Variants in TPO observed in about 807,000 individuals in gnomAD.
The protein encoded by TPO is thyroid peroxidase.
TPO carries 78 observed loss-of-function variants against 96.9 expected under a neutral mutation model. The ratio of observed to expected loss-of-function variants is 0.81; its 90% CI spans 0.67 to 0.97. TPO has a LOEUF of 0.97. Ranked by LOEUF, TPO falls within the 50% of genes least tolerant of loss-of-function variation. The pLI is 0.00. For synonymous variants in TPO, 547 were observed against 538.0 expected (o/e 1.02, Z -0.23); for missense variants, 1,252 against 1,274.8 (o/e 0.98, Z 0.27).
rs572541906 is a variant in TPO, at chr2:1,435,813, A to G, written c.350-439A>G. Among the ~76,000 whole-genome samples the G allele has an allele frequency of 4.3e-4, 66 of 152,326 alleles. 1 individual carries two copies. The highest frequency in any genetic ancestry group is 3.9e-3 in the South Asian group (19 of 4,824). ...TCTTCATCAAGGCAAGATTTTTTCT[A>G]CATTAGGGTTCGGGATAAATTCTAC... On this transcript the variant is annotated intron_variant, in intron 4 of 16. Coordinates refer to ENST00000329066, the MANE Select transcript of TPO (RefSeq NM_001206744.2).
chr2:1,414,221 C>T (rs1232407130), intron 1 of TPO, among the ~76,000 whole-genome samples, 187 bp from the exon 2 acceptor site: 1 of 152,158 alleles, frequency 6.6e-6, no homozygotes, highest in African/African-American at 2.4e-5. Context: ...GCTGCAGTTT[C>T]TGTAACCTCC....
chr2:1,537,875 GTGTGCAACCTCCTCAAATCCCCACCACTC>G (rs1186736457), intron 15 of TPO, among the ~76,000 whole-genome samples: 41 of 51,032 alleles, frequency 8.0e-4, no homozygotes, highest in East Asian at 1.4e-3. Context: ...CCCCCCCACT[GTGTGCAACCTCCTCAAATCCCCACCACTC>G]TGTGCAACCT....
At position 1,493,853 on chromosome 2, in the gene TPO, C is replaced by T; in HGVS notation, c.1820C>T (p.Ala607Val). Reference protein sequence around the residue: ...FCGLPRLETPADLSTAIASRS... With the variant: ...FCGLPRLETPVDLSTAIASRS... ...GGCCTGCCTCGCCTGGAGACCCCCG[C>T]TGACCTGAGCACAGCCATCGCCAGC... Residue 607 changes from alanine (A) to valine (V), a missense_variant, in exon 11 of 17, where the codon GCT becomes GTT. Ala to Val is a moderately conservative substitution (Grantham distance 64). Transcript: ENST00000329066. 5.0e-6 allele frequency: 8 copies of T among 1,614,184 alleles called. No homozygotes were observed. The highest frequency in any genetic ancestry group is 6.8e-6 in the Non-Finnish European group (8 of 1,180,032).
intron 7 of TPO, among the ~76,000 whole-genome samples, chr2:1,471,064 C>CT (rs1482294057): frequency 6.6e-6 from 1 of 152,238 alleles, no homozygotes; most frequent in East Asian, 1.9e-4. Flanking sequence ...TTTTCCGATG[C>CT]TGCACCTATT....
At chr2:1,418,313 A>AG (rs1558259705) in intron 2 of TPO, among the ~76,000 whole-genome samples, 11 of 150,386 alleles carry the variant, frequency 7.3e-5, no homozygotes, top group African/African-American at 2.7e-4. Flanking sequence ...GAGAGAGAGA[A>AG]AAAAAGAAAA....
At chr2:1,480,332 G>A (rs956674675) in intron 8 of TPO, among the ~76,000 whole-genome samples, 14 of 151,716 alleles carry the variant, frequency 9.2e-5, no homozygotes, top group Admixed American at 2.6e-4. Flanking sequence ...TGTGTTTAAC[G>A]TGTCGATAGA....
chr2:1,450,516 C>T (rs1667213305), intron 5 of TPO, among the ~76,000 whole-genome samples: 2 of 152,144 alleles, frequency 1.3e-5, no homozygotes, highest in South Asian at 4.1e-4. Context: ...TCCAATGCTG[C>T]CATTAATTCA....
intron 3 of TPO, 69 bp downstream of exon 3, chr2:1,423,198 C>T: frequency 3.4e-6 from 5 of 1,457,622 alleles, no homozygotes; most frequent in East Asian, 2.3e-5. Flanking sequence ...CATCCACACA[C>T]GTGTGGCCTG....
At chr2:1,542,206 C>A in intron 16 of TPO, 1 of 651,062 alleles carries the variant, frequency 1.5e-6, no homozygotes, top group South Asian at 1.9e-5. Flanking sequence ...GGAACCTTTG[C>A]CACGTGGATC....
chr2:1,427,357 G>A (rs188834905), intron 3 of TPO, among the ~76,000 whole-genome samples: 10 of 152,306 alleles, frequency 6.6e-5, no homozygotes, highest in Admixed American at 4.6e-4. Flanking sequence ...TGGGGCCTGC[G>A]GCCCAGGCTG....
intron 13 of TPO, among the ~76,000 whole-genome samples, chr2:1,499,940 G>A (rs941201612): frequency 7.2e-5 from 11 of 152,236 alleles, no homozygotes; most frequent in African/African-American, 2.7e-4. Flanking sequence ...TACAAAGAGC[G>A]GGGTGCAGGC....
intron 14 of TPO, among the ~76,000 whole-genome samples, chr2:1,505,196 C>T (rs949669826): frequency 1.2e-4 from 19 of 152,168 alleles, no homozygotes; most frequent in African/African-American, 4.6e-4. Context: ...TCTCAAGCTA[C>T]ATCCGCTTGA....
intron 5 of TPO, among the ~76,000 whole-genome samples, chr2:1,453,226 G>T (rs2009364): frequency 6.6e-6 from 1 of 152,010 alleles, no homozygotes; most frequent in East Asian, 1.9e-4. Context: ...CCACAAGTTC[G>T]CCTGGACAAT....
Position 1,487,852 on chromosome 2 carries a change from T to C in TPO, c.1629T>C (p.Leu543=), listed in dbSNP as rs374209619. 1.1e-5 allele frequency: 17 copies of C among 1,614,246 alleles called. No homozygotes were observed. The African/African-American group carries it at 2.1e-4, about 20-fold the overall frequency. The change falls in exon 10 of 17, where the codon CTT becomes CTC. Residue 543 remains leucine (L), a synonymous_variant. Transcript: ENST00000329066. The part of the protein sequence containing the change: ...GGLDPLIRGL[L]ARPAKLQVQD... ...TGGACCCACTAATACGAGGCCTTCT[T>C]GCAAGACCAGCCAAACTGCAGGTGC...
At chr2:1,379,575 C>T (rs769823509) in intron 1 of TPO, among the ~76,000 whole-genome samples, 4 of 152,262 alleles carry the variant, frequency 2.6e-5, no homozygotes, top group South Asian at 2.1e-4. Context: ...TGTCTCCTTA[C>T]GCAGATGTGC....
At chr2:1,445,673 G>T (rs1338567731) in intron 5 of TPO, among the ~76,000 whole-genome samples, 1 of 141,602 alleles carries the variant, frequency 7.1e-6, no homozygotes, top group Non-Finnish European at 1.5e-5. Context: ...ATTGCTGCAG[G>T]AGGTACCGTG....
chr2:1,509,091 G>A (rs916345375), intron 14 of TPO, among the ~76,000 whole-genome samples: 1 of 152,150 alleles, frequency 6.6e-6, no homozygotes, highest in Non-Finnish European at 1.5e-5. Flanking sequence ...TTGTGTCTTT[G>A]TTCTCGTTCG....
chr2:1,468,381 T>C (rs988165640), intron 7 of TPO, among the ~76,000 whole-genome samples: 4 of 152,218 alleles, frequency 2.6e-5, no homozygotes, highest in African/African-American at 7.2e-5. Context: ...CTTTTAGCAG[T>C]TCTTGTAGTG....
At chr2:1,532,271 ACCT>A (rs71875599) in intron 15 of TPO, among the ~76,000 whole-genome samples, 2,163 of 13,942 alleles carry the variant, frequency 0.16, 218 homozygotes, top group African/African-American at 0.18. Flanking sequence ...ACTGTGTGCA[ACCT>A]CCTCAAGTCC....
Sources: allele counts gnomAD v4.1 joint callset (sites outside exome capture counted in the v4.1 genomes callset), GRCh38; gene constraint gnomAD v4.1.1; transcripts MANE v1.5; gene names NCBI Gene and HGNC (gene_info 2026-07-23, HGNC 2026-07-21).